Variants in SCARA3 observed in about 807,000 individuals in gnomAD.
SCARA3 encodes scavenger receptor class A member 3, also known as cellular stress response gene protein.
Under a neutral mutation model 47.0 loss-of-function variants are expected in SCARA3, and 39 were observed. The ratio of observed to expected loss-of-function variants is 0.83; its 90% CI spans 0.64 to 1.08. SCARA3 has a LOEUF of 1.08. Among genes scored for constraint, SCARA3 ranks in the 50% least tolerant of loss-of-function variants. The probability of loss-of-function intolerance (pLI) is 0.00; values close to 1 mark genes in which losing one functional copy is unlikely to be tolerated. For missense variants in SCARA3, 724 were observed against 792.3 expected, an observed-to-expected ratio of 0.91 and a Z score of 1.04; for synonymous variants, 356 against 334.1, an observed-to-expected ratio of 1.07 and a Z score of -0.71.
chr8:27,685,388 A>C, the SCARA3 span, among the ~76,000 whole-genome samples: 6 of 152,250 alleles, frequency 3.9e-5, no homozygotes, highest in Non-Finnish European at 8.8e-5. Flanking sequence ...CAAAGAAGTC[A>C]AAACTCCAAT....
At chr8:27,714,192 C>T in the SCARA3 span, among the ~76,000 whole-genome samples, 1 of 114,396 alleles carries the variant, frequency 8.7e-6, no homozygotes, top group Non-Finnish European at 1.8e-5. Context: ...CTCAGGTATT[C>T]CTTTTTTTTT....
In SCARA3 at chr8:27,651,555, C is replaced by G; in HGVS notation, c.154C>G (p.His52Asp). ...CCGCTGCCAGAAGAACCTATCTTTGCACACATCGGTGCGGATTCTTTACCT... is the reference window on the plus strand; with the variant it reads ...CCGCTGCCAGAAGAACCTATCTTTGGACACATCGGTGCGGATTCTTTACCT... ...CSRCQKNLSLHTSVRILYLFL... is the reference protein window; with the variant it reads ...CSRCQKNLSLDTSVRILYLFL... The change falls in exon 3 of 6, where the codon CAC (histidine) becomes GAC (aspartate). Residue 52 changes from histidine (H) to aspartate (D), a missense_variant. By Grantham distance (81) the His-to-Asp change is moderately conservative. Transcript: ENST00000301904. The G allele has an allele frequency of 6.2e-7, 1 of 1,614,024 alleles. No individual in the cohort carries two copies. Among genetic ancestry groups the G allele is most frequent in the Non-Finnish European group, 8.5e-7 (1 of 1,180,032 alleles).
chr8:27,672,620 G>A lies in SCARA3; in HGVS notation c.*1269G>A. On this transcript the variant is annotated 3_prime_UTR_variant, in exon 6 of 6. Transcript: ENST00000301904. ...ATGGGCAGCCAGCTGGACTAGGAGT[G>A]GGAAGGGCCTGGACACTCACAGAGG... 1.0e-6 allele frequency: 1 copy of A among 985,604 alleles called. No homozygotes were observed. Among genetic ancestry groups the A allele is most frequent in the Non-Finnish European group, 1.2e-6 (1 of 830,090 alleles). 61.1% of individuals were successfully genotyped at this position (985,604 alleles called of 1,614,324 possible).
At chr8:27,699,718 C>T in the SCARA3 span, among the ~76,000 whole-genome samples, 1 of 151,662 alleles carries the variant, frequency 6.6e-6, no homozygotes, top group African/African-American at 2.4e-5. Context: ...CACTTGATCC[C>T]AAAAGTTCCA....
Position 27,672,646 on chromosome 8 carries a change from C to T in SCARA3, c.*1295C>T, listed in dbSNP as rs1254042613. The T allele has an allele frequency of 6.1e-6, 6 of 985,372 alleles. No individual in the cohort carries two copies. Among genetic ancestry groups the T allele is most frequent in the Non-Finnish European group, 7.2e-6 (6 of 829,992 alleles). The allele number at this position is 985,372 out of a possible 1,614,324, so 61.0% of individuals were successfully genotyped here. On this transcript the variant is annotated 3_prime_UTR_variant, in exon 6 of 6. Coordinates refer to ENST00000301904, the MANE Select transcript of SCARA3 (RefSeq NM_016240.3). ...GGAAGGGCCTGGACACTCACAGAGG[C>T]CCCCTCTGTCATCACTCCTTGGCAC... is the stretch of plus-strand genomic sequence containing the variant.
chr8:27,713,719 A>C, the SCARA3 span, among the ~76,000 whole-genome samples: 5 of 152,168 alleles, frequency 3.3e-5, no homozygotes, highest in Non-Finnish European at 7.4e-5. Flanking sequence ...TTCCAGGCTC[A>C]TCTTGTACTT....
At chr8:27,674,612 T>C (rs1252950099), downstream of SCARA3, among the ~76,000 whole-genome samples, 1 of 152,126 alleles carries the variant, frequency 6.6e-6, no homozygotes, top group East Asian at 1.9e-4. Flanking sequence ...GTAACAGCCA[T>C]TGGAATTTCA....
At chr8:27,722,758 G>A in the SCARA3 span, among the ~76,000 whole-genome samples, 1 of 152,026 alleles carries the variant, frequency 6.6e-6, no homozygotes, top group South Asian at 2.1e-4. Context: ...ACATTGTATG[G>A]CCAAGTAGGA....
At chr8:27,713,498 A>G in the SCARA3 span, among the ~76,000 whole-genome samples, 1 of 152,176 alleles carries the variant, frequency 6.6e-6, no homozygotes, top group African/African-American at 2.4e-5. Context: ...CAAACTTTCA[A>G]GCTGTTCATT....
intron 3 of SCARA3, among the ~76,000 whole-genome samples, chr8:27,652,827 G>T (rs550806950): frequency 6.6e-6 from 1 of 152,152 alleles, no homozygotes; most frequent in South Asian, 2.1e-4. Flanking sequence ...AAAAATACTA[G>T]TGCCAGAGTA....
chr8:27,646,977 C>CCT (rs1563402983), intron 1 of SCARA3, among the ~76,000 whole-genome samples: 3 of 109,300 alleles, frequency 2.7e-5, no homozygotes, highest in Non-Finnish European at 5.9e-5. Context: ...CCCCCGCCCC[C>CCT]CCCCCGCACA....
At chr8:27,689,568 G>A in the SCARA3 span, among the ~76,000 whole-genome samples, 3,190 of 152,294 alleles carry the variant, frequency 0.021, 123 homozygotes, top group African/African-American at 0.067. Flanking sequence ...TCTCTTCGAA[G>A]ACACAAGTGC....
chr8:27,665,859 TTAC>T (rs1802005173), intron 5 of SCARA3, among the ~76,000 whole-genome samples: 1 of 152,240 alleles, frequency 6.6e-6, no homozygotes, highest in Admixed American at 6.5e-5. Context: ...GCTCCTTGTG[TTAC>T]TCATCGAGGA....
rs757129937 is a variant in SCARA3 at position 27,659,173 on chromosome 8, G to T, written c.1003G>T (p.Ala335Ser). The change falls in exon 5 of 6, where the codon GCC becomes TCC. Residue 335 changes from alanine (A) to serine (S), a missense_variant. By Grantham distance (99) the Ala-to-Ser change is moderately conservative (BLOSUM62 1). Coordinates refer to ENST00000301904, the MANE Select transcript of SCARA3 (RefSeq NM_016240.3). ...MHDLQYHTHY[A>S]QNRTVERFES... ...TGATCTTCAGTACCATACCCACTAC[G>T]CCCAGAACCGCACTGTGGAGAGGTT... The T allele has an allele frequency of 6.2e-7, 1 of 1,614,002 alleles. No individual in the cohort carries two copies. The highest frequency in any genetic ancestry group is 1.1e-5 in the South Asian group (1 of 91,070).
rs763882114 is a variant in SCARA3, at chr8:27,651,630, G to A, written c.226+3G>A. ...CGTGGCTGTGTTGGCCTCTCTGGGT[G>A]AGTCCGGGGCTTTCCCACCCCGGGC... On this transcript the variant is annotated splice_donor_region_variant and intron_variant, in intron 3 of 5. Transcript: ENST00000301904. 7 of 1,613,836 alleles carry A rather than the reference G, an allele frequency of 4.3e-6. No individual in the cohort carries two copies. Among genetic ancestry groups the A allele is most frequent in the Non-Finnish European group, 5.9e-6 (7 of 1,179,994 alleles).
chr8:27,679,386 A>G (rs937614243), downstream of SCARA3, among the ~76,000 whole-genome samples: 1 of 152,210 alleles, frequency 6.6e-6, no homozygotes, highest in Non-Finnish European at 1.5e-5. Context: ...ACAGTAGCAC[A>G]ATGGAAGGGA....
At chr8:27,730,992 A>G in the SCARA3 span, among the ~76,000 whole-genome samples, 1 of 150,966 alleles carries the variant, frequency 6.6e-6, no homozygotes, top group Non-Finnish European at 1.5e-5. Flanking sequence ...CCACTCCTCC[A>G]GGACCTCCTG....
At chr8:27,645,418 T>C (rs1198910142) in intron 1 of SCARA3, among the ~76,000 whole-genome samples, 1 of 152,264 alleles carries the variant, frequency 6.6e-6, no homozygotes, top group Non-Finnish European at 1.5e-5. Context: ...AGCAAACTGC[T>C]AGGAGCGTGA....
At chr8:27,710,096 G>GGC in the SCARA3 span, among the ~76,000 whole-genome samples, 14 of 152,140 alleles carry the variant, frequency 9.2e-5, no homozygotes, top group Admixed American at 2.0e-4. Context: ...AGGGTGTGGT[G>GGC]GTGCATGCCT....
Sources: gnomAD v4.1 joint callset for allele counts (sites outside exome capture counted in the v4.1 genomes callset) on GRCh38, gnomAD v4.1.1 for gene constraint, MANE v1.5 for transcripts, NCBI Gene and HGNC (gene_info 2026-07-23, HGNC 2026-07-21) for gene names.